Variants in MYH13 observed in about 807,000 individuals in gnomAD.
The protein encoded by MYH13 is myosin heavy chain 13, also known as myosin-13.
A neutral mutation model predicts 232.1 loss-of-function variants in MYH13; 177 were observed. The observed-to-expected ratio is 0.76, with a 90% CI of 0.67 to 0.86. The LOEUF (loss-of-function observed/expected upper bound fraction) is 0.86, where lower values mean the gene tolerates loss of function less well. MYH13 is among the 40% of genes least tolerant of loss of function. The probability of loss-of-function intolerance (pLI) is 0.00; values close to 1 mark genes in which losing one functional copy is unlikely to be tolerated. For missense variants in MYH13, 2,246 were observed against 2,405.9 expected (o/e 0.93, Z 1.39); for synonymous variants, 884 against 923.5 (o/e 0.96, Z 0.78).
intron 5 of MYH13, among the ~76,000 whole-genome samples, chr17:10,360,653 T>C (rs545286300): frequency 6.6e-6 from 1 of 152,324 alleles, no homozygotes; most frequent in South Asian, 2.1e-4. Flanking sequence ...GAGCATGGAT[T>C]GAACTGTGTC....
At chr17:10,301,426 C>G (rs963292238) in intron 40 of MYH13, 143 bp downstream of exon 40, 33 of 1,301,768 alleles carry the variant, frequency 2.5e-5, no homozygotes, top group Non-Finnish European at 3.3e-5. Context: ...CCCTACATCT[C>G]AGGTACCTGC....
At position 10,312,982 on chromosome 17, in the gene MYH13, T is replaced by G. The variant is rs139944816; in HGVS notation, c.4181+176A>C. ...AGCACCTCCAGGGAGCTAGGTGGAA[T>G]GGACAGTTCCCGAGAAGAAGGACAG... On this transcript the variant is annotated intron_variant, in intron 30 of 40. Coordinates refer to ENST00000252172, the MANE Select transcript of MYH13 (RefSeq NM_003802.3). 4.9e-3 allele frequency among the ~76,000 whole-genome samples: 751 copies of G among 151,730 alleles called. 3 individuals are homozygous for G. Among genetic ancestry groups the G allele is most frequent in the Middle Eastern group, 0.01 (3 of 294 alleles).
intron 29 of MYH13, among the ~76,000 whole-genome samples, chr17:10,314,513 G>A (rs915361096): frequency 2.6e-5 from 4 of 152,092 alleles, no homozygotes; most frequent in African/African-American, 9.7e-5. Context: ...CTCCTGCAGT[G>A]GCTCTTCTCA....
At position 10,304,029 on chromosome 17, in the gene MYH13, A is replaced by C. The variant is rs1445455561; in HGVS notation, c.5467-531T>G. ...AGCAAACTAAGGAACAGAAAACCAAACACCACATATTCTCACTCATAAGTG... is the reference window on the plus strand; with the variant it reads ...AGCAAACTAAGGAACAGAAAACCAACCACCACATATTCTCACTCATAAGTG... On this transcript the variant is annotated intron_variant, in intron 37 of 40. Transcript: ENST00000252172. The surrounding 1 kb of genome is among the most constrained non-coding windows in gnomAD (Gnocchi z 5.3). Among the ~76,000 whole-genome samples the C allele has an allele frequency of 2.0e-5, 3 of 152,166 alleles. No individual in the cohort carries two copies. Among genetic ancestry groups the C allele is most frequent in the Non-Finnish European group, 4.4e-5 (3 of 68,026 alleles).
intron 18 of MYH13, among the ~76,000 whole-genome samples, chr17:10,336,427 T>C (rs1030601826): frequency 1.3e-5 from 2 of 152,160 alleles, no homozygotes; most frequent in East Asian, 3.8e-4. Context: ...CTGTGGGCAG[T>C]GGTATTAGCC....
intron 32 of MYH13, 51 bp downstream of exon 32, chr17:10,311,860 T>C: frequency 6.2e-7 from 1 of 1,605,084 alleles, no homozygotes; most frequent in Non-Finnish European, 8.5e-7. Context: ...GGGAAGGGGT[T>C]GGCAGGAGGA....
At chr17:10,371,590 G>C (rs2071878041) in intron 1 of MYH13, among the ~76,000 whole-genome samples, 1 of 152,212 alleles carries the variant, frequency 6.6e-6, no homozygotes, top group Non-Finnish European at 1.5e-5. Context: ...TAAGGGATAA[G>C]AGAATGCTCA....
At chr17:10,359,205 G>A (rs1166194934) in intron 7 of MYH13, among the ~76,000 whole-genome samples, 7 of 152,190 alleles carry the variant, frequency 4.6e-5, no homozygotes, top group East Asian at 1.9e-4. Flanking sequence ...GGAACCAACC[G>A]CGTGATTAGA....
chr17:10,345,216 C>T lies in MYH13; in HGVS notation c.1570G>A (p.Glu524Lys), dbSNP rs752607957. The T allele has an allele frequency of 1.2e-5, 20 of 1,613,960 alleles. No homozygotes were observed. The highest frequency in any genetic ancestry group is 8.3e-5 in the Admixed American group (5 of 59,996). ...TATCTCTCTACCTTCTCGATGAGCT[C>T]GATGCAGGCAGCCAGGTCCATTCCG... The part of the protein sequence containing the change: ...DFGMDLAACI[E>K]LIEKPMGIFS... The change falls in exon 15 of 41, where the codon GAG becomes AAG. Residue 524 changes from glutamate to lysine, a missense_variant. Physicochemically the swap from Glu to Lys is moderately conservative, Grantham distance 56. Transcript: ENST00000252172.
rs56757162 is a variant in MYH13, at chr17:10,324,756, GTT to G, written c.2692-494_2692-493del. On this transcript the variant is annotated intron_variant, in intron 22 of 40. Transcript: ENST00000252172. ...GTCACTGCACCTGGTCCATATACAT[GTT>G]TTTTTTTTTTTTTTTTTTTTTTAAC... 188 of 107,752 alleles carry G rather than the reference GTT, an allele frequency of 1.7e-3. 1 individual carries two copies. Among genetic ancestry groups the G allele is most frequent in the Middle Eastern group, 6.4e-3 (1 of 156 alleles). 6.7% of individuals were successfully genotyped at this position (107,752 alleles called of 1,614,324 possible). A position where few individuals can be genotyped will look rare whatever the true frequency, so the allele number is the denominator to read the frequency against.
In MYH13 at chr17:10,306,394, TTTCTGGACTGTGG is replaced by T; in HGVS notation, c.5466+52_5466+64del. The T allele has an allele frequency of 6.2e-7, 1 of 1,602,506 alleles. No individual in the cohort carries two copies. Among genetic ancestry groups the T allele is most frequent in the Non-Finnish European group, 8.5e-7 (1 of 1,173,060 alleles). On this transcript the variant is annotated intron_variant, in intron 37 of 40. Transcript: ENST00000252172. The surrounding 1 kb of genome is among the most constrained non-coding windows in gnomAD (Gnocchi z 4.3). Reference sequence around the variant, plus strand: ...CAGTGGCCTTTTCCCACCATCTCAGTTTCTGGACTGTGGTTCTGTCCGAGGCTGTCACTTTCAG... The same window carrying T: ...CAGTGGCCTTTTCCCACCATCTCAGTTTCTGTCCGAGGCTGTCACTTTCAG...
chr17:10,346,860 C>T, intron 12 of MYH13, 62 bp from the exon 13 acceptor site: 3 of 1,210,860 alleles, frequency 2.5e-6, no homozygotes, highest in Non-Finnish European at 3.6e-6. Flanking sequence ...GTCCAGTCAG[C>T]CCCTGGCTTC....
At chr17:10,329,351 A>G (rs530244860) in intron 21 of MYH13, among the ~76,000 whole-genome samples, 2 of 152,252 alleles carry the variant, frequency 1.3e-5, no homozygotes, top group South Asian at 4.1e-4. Flanking sequence ...AGACTTAAAC[A>G]TTCCTTTAAT....
At chr17:10,331,994 C>A (rs533208735) in intron 20 of MYH13, 105 bp downstream of exon 20, 2 of 1,444,456 alleles carry the variant, frequency 1.4e-6, no homozygotes, top group South Asian at 1.3e-5. Context: ...TGGGCAAGGA[C>A]GGTCAGGTGG....
intron 35 of MYH13, among the ~76,000 whole-genome samples, chr17:10,308,053 AGT>A (rs1336024903): frequency 6.6e-6 from 1 of 152,210 alleles, no homozygotes; most frequent in Non-Finnish European, 1.5e-5. Flanking sequence ...AGCTGGGCAC[AGT>A]GGCTCATGCC....
chr17:10,357,198 G>A (rs1429635847), intron 8 of MYH13, among the ~76,000 whole-genome samples: 1 of 152,154 alleles, frequency 6.6e-6, no homozygotes, highest in African/African-American at 2.4e-5. Flanking sequence ...CTGGTCTCAA[G>A]TGATCCGCCC....
chr17:10,351,080 G>T (rs1341560181), intron 11 of MYH13, among the ~76,000 whole-genome samples: 2 of 151,888 alleles, frequency 1.3e-5, no homozygotes, highest in Non-Finnish European at 2.9e-5. Flanking sequence ...AATTAGCCAG[G>T]CATGGTGGCT....
rs1201938028 is a variant in MYH13, at chr17:10,327,902, C to A, written c.2655G>T (p.Leu885=). Residue 885 remains leucine, a synonymous_variant, in exon 22 of 41, where the codon CTG becomes CTT. Transcript: ENST00000252172. ...GCAATTGGAGGTCATTCTTCTCCTG[C>A]AGGAGGGAGACCATTTTCTCCTCCA... ...KELEEKMVSL[L]QEKNDLQLQV... The A allele has an allele frequency of 6.2e-7, 1 of 1,613,568 alleles. No homozygotes were observed. The highest frequency in any genetic ancestry group is 2.2e-5 in the East Asian group (1 of 44,896).
At chr17:10,366,703 A>T (rs1406370563) in intron 2 of MYH13, among the ~76,000 whole-genome samples, 1 of 152,124 alleles carries the variant, frequency 6.6e-6, no homozygotes, top group Non-Finnish European at 1.5e-5. Flanking sequence ...TATTTTTTGA[A>T]TAAGGTCTTT....
Sources: gnomAD v4.1 joint callset for allele counts (sites outside exome capture counted in the v4.1 genomes callset) on GRCh38, gnomAD v4.1.1 for gene constraint, Gnocchi (gnomAD v3.1) non-coding constraint, MANE v1.5 for transcripts, NCBI Gene and HGNC (gene_info 2026-07-23, HGNC 2026-07-21) for gene names.